DLGAP1: variants seen among roughly 807,000 people sequenced by gnomAD.
The protein encoded by DLGAP1 is DLG associated protein 1, also known as disks large-associated protein 1.
A neutral mutation model predicts 90.8 loss-of-function variants in DLGAP1; 11 were observed. That is an observed-to-expected ratio of 0.12 (90% CI 0.08 to 0.20). The LOEUF is 0.20. DLGAP1 is among the 10% of genes least tolerant of loss of function. DLGAP1 has a pLI of 1.00. For missense variants in DLGAP1, 1,050 were observed against 1,333.8 expected (o/e 0.79, Z 3.31); for synonymous variants, 558 against 540.7 (o/e 1.03, Z -0.44).
intron 1 of DLGAP1, among the ~76,000 whole-genome samples, chr18:4,185,956 CTT>C (rs909266842): frequency 2.0e-5 from 3 of 152,108 alleles, no homozygotes; most frequent in African/African-American, 7.2e-5. Flanking sequence ...TGTTTTTTGA[CTT>C]TTTAATAATA....
At chr18:4,231,004 C>G (rs922885007) in intron 1 of DLGAP1, among the ~76,000 whole-genome samples, 12 of 151,858 alleles carry the variant, frequency 7.9e-5, no homozygotes, top group African/African-American at 2.7e-4. Context: ...TGTCCACAGT[C>G]CTGAATAGGA....
Position 3,680,720 on chromosome 18 carries a change from C to T in DLGAP1, c.1591+48415G>A, listed in dbSNP as rs572708838. Among the ~76,000 whole-genome samples the T allele has an allele frequency of 7.0e-5, 10 of 142,200 alleles. No homozygotes were observed. In the East Asian group the frequency reaches 1.7e-3, roughly 24 times the overall value. 93.3% of individuals were successfully genotyped at this position (142,200 alleles called of 152,430 possible). Reference sequence around the variant, plus strand: ...AGGAGAATGGCGTGAACCCGGGAGGCGGAGCTTGCAGTAAGCCGAGATCGC... The same window carrying T: ...AGGAGAATGGCGTGAACCCGGGAGGTGGAGCTTGCAGTAAGCCGAGATCGC... On this transcript the variant is annotated intron_variant, in intron 7 of 12. Coordinates refer to ENST00000315677, the MANE Select transcript of DLGAP1 (RefSeq NM_004746.4).
At chr18:4,375,167 A>G (rs2081990276) in intron 1 of DLGAP1, among the ~76,000 whole-genome samples, 1 of 152,158 alleles carries the variant, frequency 6.6e-6, no homozygotes, top group African/African-American at 2.4e-5. Context: ...TCACTTTACC[A>G]TAGCACTTTC....
chr18:3,501,788 T>C (rs1032307520), intron 12 of DLGAP1, among the ~76,000 whole-genome samples: 17 of 152,126 alleles, frequency 1.1e-4, no homozygotes, highest in African/African-American at 3.6e-4. Flanking sequence ...AGCTGGACAT[T>C]GGATACCCGT....
At chr18:4,384,977 G>A (rs899085777) in intron 1 of DLGAP1, among the ~76,000 whole-genome samples, 1 of 139,780 alleles carries the variant, frequency 7.2e-6, no homozygotes, top group East Asian at 1.9e-4. Context: ...TGCTGATTCC[G>A]AACTCCACTG....
chr18:3,713,947 C>G (rs1422571080), intron 7 of DLGAP1, among the ~76,000 whole-genome samples: 4 of 152,146 alleles, frequency 2.6e-5, no homozygotes, highest in Non-Finnish European at 5.9e-5. Context: ...CAGGATTCCG[C>G]CCTATTCTGA....
intron 7 of DLGAP1, among the ~76,000 whole-genome samples, chr18:3,621,631 A>G (rs964307209): frequency 6.6e-6 from 1 of 152,068 alleles, no homozygotes; most frequent in Non-Finnish European, 1.5e-5. Context: ...TGTTTTCTAT[A>G]TGTTACTTTC....
chr18:4,144,185 G>T (rs79864020), intron 2 of DLGAP1, among the ~76,000 whole-genome samples: 1 of 152,272 alleles, frequency 6.6e-6, no homozygotes, highest in East Asian at 1.9e-4. Flanking sequence ...ACTTGCCCCA[G>T]AATTGCAGTC....
rs1275948679 is a variant in DLGAP1 at position 4,226,697 on chromosome 18, AAC to A, written c.-266-75412_-266-75411del. On this transcript the variant is annotated intron_variant, in intron 1 of 12. Transcript: ENST00000315677. Reference sequence around the variant, plus strand: ...CATGGTAAACTCAAAAAAAAAAAAAAACAGTGTATACACAAAAAAATAGAAAG... The same window carrying A: ...CATGGTAAACTCAAAAAAAAAAAAAAAGTGTATACACAAAAAAATAGAAAG... 2.9e-3 allele frequency among the ~76,000 whole-genome samples: 431 copies of A among 150,206 alleles called. 1 individual carries two copies. Among genetic ancestry groups the A allele is most frequent in the African/African-American group, 0.01 (414 of 40,994 alleles).
intron 1 of DLGAP1, among the ~76,000 whole-genome samples, chr18:4,213,886 G>A (rs1365469331): frequency 1.3e-5 from 2 of 152,128 alleles, no homozygotes; most frequent in African/African-American, 4.8e-5. Context: ...CCAGGAGCCA[G>A]CGGTAAAGAA....
chr18:3,796,050 T>C (rs530748333), intron 5 of DLGAP1, among the ~76,000 whole-genome samples: 7 of 152,292 alleles, frequency 4.6e-5, no homozygotes, highest in South Asian at 2.1e-4. Context: ...CACTGAGTTA[T>C]TGCCAATTAG....
intron 2 of DLGAP1, among the ~76,000 whole-genome samples, chr18:4,015,113 C>T (rs888132258): frequency 2.6e-5 from 4 of 152,080 alleles, no homozygotes; most frequent in African/African-American, 4.8e-5. Flanking sequence ...GCATTCCTGA[C>T]GGTGACTCTT....
intron 2 of DLGAP1, among the ~76,000 whole-genome samples, chr18:4,031,336 T>C (rs920616760): frequency 2.0e-5 from 3 of 152,168 alleles, no homozygotes; most frequent in Non-Finnish European, 4.4e-5. Flanking sequence ...TACAATAAAA[T>C]ATATATTGTA....
chr18:3,507,044 G>A (rs568565375), intron 11 of DLGAP1, among the ~76,000 whole-genome samples: 57 of 152,170 alleles, frequency 3.7e-4, no homozygotes, highest in African/African-American at 1.4e-3. Context: ...GGGTGGGAGG[G>A]TGTGCGAATA....
intron 3 of DLGAP1, among the ~76,000 whole-genome samples, chr18:3,980,365 G>A (rs1042563423): frequency 1.4e-4 from 22 of 152,102 alleles, no homozygotes; most frequent in African/African-American, 4.1e-4. Flanking sequence ...AGAGGAAGAC[G>A]GCTCTGCCAC....
chr18:3,949,519 C>A (rs2072942431), intron 3 of DLGAP1, among the ~76,000 whole-genome samples: 1 of 152,108 alleles, frequency 6.6e-6, no homozygotes, highest in South Asian at 2.1e-4. Context: ...ATCTTGGTAA[C>A]AATTCCTTCT....
chr18:4,056,860 A>G (rs1322551102), intron 2 of DLGAP1, among the ~76,000 whole-genome samples: 1 of 152,166 alleles, frequency 6.6e-6, no homozygotes, highest in Non-Finnish European at 1.5e-5. Context: ...ATCTAAGACC[A>G]ATGCACTTTA....
At chr18:3,645,511 G>T (rs557407569) in intron 7 of DLGAP1, among the ~76,000 whole-genome samples, 1 of 152,164 alleles carries the variant, frequency 6.6e-6, no homozygotes, top group South Asian at 2.1e-4. Context: ...ACTCCTGGAG[G>T]GCTAGGCGTT....
chr18:3,689,454 C>T (rs1243480356), intron 7 of DLGAP1, among the ~76,000 whole-genome samples: 2 of 152,190 alleles, frequency 1.3e-5, no homozygotes, highest in Non-Finnish European at 2.9e-5. Flanking sequence ...AAAATAATCT[C>T]TAGCCTTGTA....
Sources: gnomAD v4.1 joint callset for allele counts (sites outside exome capture counted in the v4.1 genomes callset) on GRCh38, gnomAD v4.1.1 for gene constraint, MANE v1.5 for transcripts, NCBI Gene and HGNC (gene_info 2026-07-23, HGNC 2026-07-21) for gene names.